GLIPR1: variants seen among roughly 807,000 people sequenced by gnomAD.
GLIPR1 encodes GLI pathogenesis related 1.
GLIPR1 carries 38 observed loss-of-function variants against 30.3 expected under a neutral mutation model. The observed-to-expected ratio is 1.26, with a 90% CI of 0.97 to 1.65. The LOEUF (loss-of-function observed/expected upper bound fraction) is 1.65. Ranked by LOEUF, GLIPR1 falls within the 40% of genes most tolerant of loss-of-function variation. GLIPR1 has a pLI of 0.00. For synonymous variants in GLIPR1, 122 were observed against 110.6 expected, an observed-to-expected ratio of 1.10 and a Z score of -0.65; for missense variants, 285 against 326.5, an observed-to-expected ratio of 0.87 and a Z score of 0.98.
rs189190245 is a variant in GLIPR1 at position 75,501,918 on chromosome 12, C to T, written c.*2940C>T. The T allele has an allele frequency of 8.1e-6, 13 of 1,608,004 alleles. No homozygotes were observed. In the East Asian group the frequency reaches 1.1e-4, roughly 14 times the overall value. The stretch of plus-strand genomic sequence containing the variant: ...TTCATGTGAGCCAGACATAAAGTGC[C>T]GTACCTTTATTGCTTCCATTTTCTG... On this transcript the variant is annotated 3_prime_UTR_variant, in exon 6 of 6. Transcript: ENST00000266659.
chr12:75,502,045 G>A lies in GLIPR1; in HGVS notation c.*3067G>A, dbSNP rs1243160831. The A allele has an allele frequency of 3.4e-6, 5 of 1,472,714 alleles. No individual in the cohort carries two copies. The Admixed American group carries it at 6.9e-5, about 20-fold the overall frequency. The allele number at this position is 1,472,714 out of a possible 1,614,324, so 91.2% of individuals were successfully genotyped here. Reference sequence around the variant, plus strand: ...CAATTACATCAGAAATAATGTAGAGGAGAAGTCATGTCCTAAGCAAGTCAC... The same window carrying A: ...CAATTACATCAGAAATAATGTAGAGAAGAAGTCATGTCCTAAGCAAGTCAC... On this transcript the variant is annotated 3_prime_UTR_variant, in exon 6 of 6. Coordinates refer to ENST00000266659, the MANE Select transcript of GLIPR1 (RefSeq NM_006851.3).
Position 75,500,488 on chromosome 12 carries a change from A to ATATTAAT in GLIPR1, c.*1511_*1512insATTAATT. 9.6e-6 allele frequency: 1 copy of ATATTAAT among 104,548 alleles called. No homozygotes were observed. The highest frequency in any genetic ancestry group is 4.0e-4 in the East Asian group (1 of 2,496). The allele number at this position is 104,548 out of a possible 1,614,324, so 6.5% of individuals were successfully genotyped here. A position where few individuals can be genotyped will look rare whatever the true frequency, so the allele number is the denominator to read the frequency against. ...TAATTCAATATTAATTGAATATTCA[A>ATATTAAT]TGAATTAATTCATTTAATGTTAGAT... On this transcript the variant is annotated 3_prime_UTR_variant, in exon 6 of 6. Transcript: ENST00000266659.
At chr12:75,494,288 A>G in intron 3 of GLIPR1, 1 of 152,142 alleles carries the variant, frequency 6.6e-6, no homozygotes, top group East Asian at 1.9e-4. Context: ...TTTTATTTTT[A>G]TTTTCACTAA....
At chr12:75,487,029 A>G (rs2046296741) in intron 2 of GLIPR1, among the ~76,000 whole-genome samples, 1 of 152,236 alleles carries the variant, frequency 6.6e-6, no homozygotes, top group South Asian at 2.1e-4. Context: ...ATGGTAACTA[A>G]CATTTGCACA....
rs769903985 is a variant in GLIPR1 at position 75,490,494 on chromosome 12, A to G, written c.509A>G (p.His170Arg). The G allele has an allele frequency of 9.5e-6, 13 of 1,370,234 alleles. No individual in the cohort carries two copies. The highest frequency in any genetic ancestry group is 3.9e-6 in the Non-Finnish European group (4 of 1,030,468). The allele number at this position is 1,370,234 out of a possible 1,614,324, so 84.9% of individuals were successfully genotyped here. ...TTTGACGCTCTTTCCAATGGAGCAC[A>G]TTTTATATGCAACTACGGACCAGGG... ...SGFDALSNGA[H>R]FICNYGPGGN... The change falls in exon 3 of 6, where the codon CAT (histidine) becomes CGT (arginine). Residue 170 changes from histidine (H) to arginine (R), a missense_variant. By Grantham distance (29) the His-to-Arg change is conservative (BLOSUM62 0). Coordinates refer to ENST00000266659, the MANE Select transcript of GLIPR1 (RefSeq NM_006851.3).
intron 3 of GLIPR1, chr12:75,494,394 C>T (rs1397020023): frequency 1.3e-5 from 2 of 152,200 alleles, no homozygotes; most frequent in Non-Finnish European, 2.9e-5. Flanking sequence ...GCAGTATCAT[C>T]TTTGTAAATA....
At position 75,498,700 on chromosome 12, in the gene GLIPR1, G is replaced by C; in HGVS notation, c.626G>C (p.Arg209Pro). 1 of 1,611,668 alleles carries C rather than the reference G, an allele frequency of 6.2e-7. No homozygotes were observed. The highest frequency in any genetic ancestry group is 8.5e-7 in the Non-Finnish European group (1 of 1,178,416). The change falls in exon 5 of 6, where the codon CGA becomes CCA. Residue 209 changes from arginine to proline, a missense_variant. Arg to Pro is a moderately radical substitution (Grantham distance 103, BLOSUM62 -2). Transcript: ENST00000266659. Reference protein sequence around the residue: ...DKCLDNLCVNRQRDQVKRYYS... With the variant: ...DKCLDNLCVNPQRDQVKRYYS... ...CTTCCCCCTAACTTTACAGTTAACC[G>C]ACAGCGAGACCAAGTCAAACGTACG...
At chr12:75,494,701 G>A (rs2046340374) in intron 3 of GLIPR1, 1 of 152,136 alleles carries the variant, frequency 6.6e-6, no homozygotes, top group Non-Finnish European at 1.5e-5. Flanking sequence ...TCCAAAAGCA[G>A]AGTTCCAAAA....
chr12:75,485,850 T>A (rs972265392), intron 2 of GLIPR1, among the ~76,000 whole-genome samples: 6 of 152,190 alleles, frequency 3.9e-5, no homozygotes, highest in African/African-American at 1.4e-4. Context: ...ATGTGACCTG[T>A]TTCACAATTT....
At position 75,498,975 on chromosome 12, in the gene GLIPR1, C is replaced by CTAA; in HGVS notation, c.801_*2dup. The stretch of plus-strand genomic sequence containing the variant: ...AGTACCCTAATTTAGTTCTTTTGGA[C>CTAA]TAATACAATTCAGGAAAGAAAAAAC... On this transcript the variant is annotated inframe_insertion and stop_retained_variant, in exon 6 of 6. Transcript: ENST00000266659. The CTAA allele has an allele frequency of 6.4e-7, 1 of 1,573,048 alleles. No homozygotes were observed. Among genetic ancestry groups the CTAA allele is most frequent in the East Asian group, 2.3e-5 (1 of 44,196 alleles).
At position 75,503,850 on chromosome 12, in the gene GLIPR1, C is replaced by CAAAT. The variant is rs1053012073; in HGVS notation, c.*4874_*4877dup. The CAAAT allele has an allele frequency of 7.6e-5, 112 of 1,479,994 alleles. No homozygotes were observed. The African/African-American group carries it at 1.4e-3, about 19-fold the overall frequency. The allele number at this position is 1,479,994 out of a possible 1,614,324, so 91.7% of individuals were successfully genotyped here. A position where few individuals can be genotyped will look rare whatever the true frequency, so the allele number is the denominator to read the frequency against. On this transcript the variant is annotated 3_prime_UTR_variant, in exon 6 of 6. Coordinates refer to ENST00000266659, the MANE Select transcript of GLIPR1 (RefSeq NM_006851.3). Reference sequence around the variant, plus strand: ...AAATACTTTCAATAAAGTTTCTGACCAAATACATTAAAATAGATTCTCCTT... The same window carrying CAAAT: ...AAATACTTTCAATAAAGTTTCTGACCAAATAAATACATTAAAATAGATTCTCCTT...
rs1184800072 is a variant in GLIPR1 at position 75,503,556 on chromosome 12, A to C, written c.*4578A>C. On this transcript the variant is annotated 3_prime_UTR_variant, in exon 6 of 6. Transcript: ENST00000266659. ...GTTACAATTTACAATTTAAGATTTC[A>C]GAACAAGAACAACCATAGAGCACAC... 1.2e-5 allele frequency: 2 copies of C among 164,148 alleles called. No homozygotes were observed. The highest frequency in any genetic ancestry group is 4.8e-5 in the African/African-American group (2 of 41,934). The allele number at this position is 164,148 out of a possible 1,614,324, so 10.2% of individuals were successfully genotyped here. A position where few individuals can be genotyped will look rare whatever the true frequency, so the allele number is the denominator to read the frequency against.
chr12:75,489,487 A>T (rs999662774), intron 2 of GLIPR1, among the ~76,000 whole-genome samples: 2 of 152,092 alleles, frequency 1.3e-5, no homozygotes, highest in Admixed American at 1.3e-4. Context: ...GTTAATCTTC[A>T]CTTGATATCT....
intron 2 of GLIPR1, chr12:75,483,548 G>C (rs2046280941): frequency 6.6e-6 from 1 of 152,174 alleles, no homozygotes; most frequent in Non-Finnish European, 1.5e-5. Context: ...AATACAGCTG[G>C]AAATGGTCCC....
rs2046403038 is a variant in GLIPR1, at chr12:75,502,674, A to C, written c.*3696A>C. On this transcript the variant is annotated 3_prime_UTR_variant, in exon 6 of 6. Transcript: ENST00000266659. ...TTACTCCCACTTTAGGTATGGGGAA[A>C]CTTAAGTATGGATGGGATAAATAAC... is the stretch of plus-strand genomic sequence containing the variant. 6.6e-6 allele frequency: 1 copy of C among 152,080 alleles called. No individual in the cohort carries two copies. Among genetic ancestry groups the C allele is most frequent in the Non-Finnish European group, 1.5e-5 (1 of 67,986 alleles). 9.4% of individuals were successfully genotyped at this position (152,080 alleles called of 1,614,324 possible).
chr12:75,500,123 C>A lies in GLIPR1; in HGVS notation c.*1145C>A. ...AAAATATAAAAACACTTGCCTAAAG[C>A]AGTTAGAAATTTCTTCAGATTAAGA... On this transcript the variant is annotated 3_prime_UTR_variant, in exon 6 of 6. Coordinates refer to ENST00000266659, the MANE Select transcript of GLIPR1 (RefSeq NM_006851.3). 2 of 465,250 alleles carry A rather than the reference C, an allele frequency of 4.3e-6. No individual in the cohort carries two copies. Among genetic ancestry groups the A allele is most frequent in the Non-Finnish European group, 3.6e-6 (1 of 274,364 alleles). 28.8% of individuals were successfully genotyped at this position (465,250 alleles called of 1,614,324 possible).
At chr12:75,495,546 T>C in intron 3 of GLIPR1, 31 bp from the exon 4 acceptor site, 1 of 1,314,186 alleles carries the variant, frequency 7.6e-7, no homozygotes, top group Non-Finnish European at 1.1e-6. Flanking sequence ...ACCGAAAAAC[T>C]TCTAATGGAC....
intron 1 of GLIPR1, 133 bp from the exon 2 acceptor site, chr12:75,481,701 A>G: frequency 2.7e-6 from 2 of 751,590 alleles, no homozygotes; most frequent in East Asian, 4.9e-5. Flanking sequence ...CTTGAAGACC[A>G]TATTTATAGA....
chr12:75,498,915 A>G lies in GLIPR1; in HGVS notation c.738A>G (p.Ile246Met). The G allele has an allele frequency of 6.2e-7, 1 of 1,607,294 alleles. No homozygotes were observed. The highest frequency in any genetic ancestry group is 8.5e-7 in the Non-Finnish European group (1 of 1,174,252). The change falls in exon 6 of 6, where the codon ATA becomes ATG. Residue 246 changes from isoleucine (I) to methionine (M), a missense_variant. Ile to Met is a conservative substitution (Grantham distance 10, BLOSUM62 1). Coordinates refer to ENST00000266659, the MANE Select transcript of GLIPR1 (RefSeq NM_006851.3). ...LFLIVNSVIL[I>M]LSVIITILVQ... ...TCATTGTTAATTCAGTAATTCTAAT[A>G]CTGTCTGTTATAATTACCATTTTGG...
Sources: gnomAD v4.1 joint callset for allele counts (sites outside exome capture counted in the v4.1 genomes callset) on GRCh38, gnomAD v4.1.1 for gene constraint, MANE v1.5 for transcripts, NCBI Gene and HGNC (gene_info 2026-07-23, HGNC 2026-07-21) for gene names.